KLHL1: variants seen among roughly 807,000 people sequenced by gnomAD.
KLHL1 encodes kelch like family member 1.
Under a neutral mutation model 77.7 loss-of-function variants are expected in KLHL1, and 47 were observed. That is an observed-to-expected ratio of 0.60 (90% CI 0.48 to 0.77). The LOEUF (loss-of-function observed/expected upper bound fraction) is 0.77, where lower values mean the gene tolerates loss of function less well. Among genes scored for constraint, KLHL1 ranks in the 30% least tolerant of loss-of-function variants. KLHL1 has a pLI of 0.00. For missense variants in KLHL1, 925 were observed against 910.8 expected, an observed-to-expected ratio of 1.02 and a Z score of -0.20; for synonymous variants, 360 against 325.2, an observed-to-expected ratio of 1.11 and a Z score of -1.15.
chr13:69,790,279 G>A (rs1876809477), intron 7 of KLHL1, among the ~76,000 whole-genome samples: 1 of 152,106 alleles, frequency 6.6e-6, no homozygotes, highest in Non-Finnish European at 1.5e-5. Flanking sequence ...AATAAGGCTG[G>A]GAACAATATA....
At chr13:69,727,472 A>G (rs1433793473) in intron 8 of KLHL1, among the ~76,000 whole-genome samples, 1 of 152,136 alleles carries the variant, frequency 6.6e-6, no homozygotes, top group African/African-American at 2.4e-5. Context: ...GAAAAGGCAA[A>G]GGGGTGTGGA....
At chr13:70,000,274 CA>C in intron 1 of KLHL1, among the ~76,000 whole-genome samples, 1 of 151,622 alleles carries the variant, frequency 6.6e-6, no homozygotes, top group Non-Finnish European at 1.5e-5. Context: ...TTAATAAAGA[CA>C]AAAAAGAATA....
chr13:69,729,245 C>T (rs1297080398), intron 8 of KLHL1, among the ~76,000 whole-genome samples: 1 of 152,128 alleles, frequency 6.6e-6, no homozygotes, highest in Non-Finnish European at 1.5e-5. Flanking sequence ...TTAGCTTAAT[C>T]TGTCTTACTA....
At chr13:69,724,113 T>G (rs2113358) in intron 8 of KLHL1, among the ~76,000 whole-genome samples, 134,381 of 152,086 alleles carry the variant, frequency 0.88, 59,619 homozygotes, top group East Asian at 0.99. Flanking sequence ...GGGATTACAG[T>G]CGTGAGATAC....
intron 7 of KLHL1, among the ~76,000 whole-genome samples, chr13:69,793,420 C>T (rs1379219862): frequency 8.6e-5 from 13 of 151,482 alleles, no homozygotes; most frequent in African/African-American, 2.4e-4. Context: ...GATCATTTTT[C>T]GATAGCTGTG....
At chr13:69,745,818 A>T (rs1000775942) in intron 7 of KLHL1, among the ~76,000 whole-genome samples, 1 of 151,846 alleles carries the variant, frequency 6.6e-6, no homozygotes, top group Non-Finnish European at 1.5e-5. Context: ...TTGGTATTTC[A>T]TATGAATTTT....
chr13:70,002,000 A>G (rs893199646), intron 1 of KLHL1, among the ~76,000 whole-genome samples: 1 of 151,612 alleles, frequency 6.6e-6, no homozygotes, highest in African/African-American at 2.4e-5. Context: ...AGTAAGAGCT[A>G]ATCTACATCC....
At chr13:69,723,266 A>C (rs1295166347) in intron 8 of KLHL1, among the ~76,000 whole-genome samples, 3 of 152,096 alleles carry the variant, frequency 2.0e-5, no homozygotes, top group Admixed American at 1.3e-4. Flanking sequence ...TGCACATTAG[A>C]GTGACTACGA....
chr13:69,949,050 C>T (rs1011095978), intron 3 of KLHL1, among the ~76,000 whole-genome samples: 6 of 151,820 alleles, frequency 4.0e-5, no homozygotes, highest in African/African-American at 1.4e-4. Flanking sequence ...CAGAAAATTG[C>T]AAAGCTAGTA....
intron 1 of KLHL1, among the ~76,000 whole-genome samples, 177 bp downstream of exon 1, chr13:70,107,026 G>T (rs1888077559): frequency 6.6e-6 from 1 of 152,164 alleles, no homozygotes; most frequent in Non-Finnish European, 1.5e-5. Flanking sequence ...TGAACCAATA[G>T]AAATTAATGA....
chr13:70,090,674 C>T (rs1887651488), intron 1 of KLHL1, among the ~76,000 whole-genome samples: 1 of 151,940 alleles, frequency 6.6e-6, no homozygotes, highest in Admixed American at 6.6e-5. Flanking sequence ...TTTCTATTTT[C>T]TCCCAAGTCA....
intron 4 of KLHL1, among the ~76,000 whole-genome samples, chr13:69,910,014 T>A (rs902724623): frequency 1.3e-5 from 2 of 151,992 alleles, no homozygotes; most frequent in Non-Finnish European, 2.9e-5. Flanking sequence ...TAGAAAAAAA[T>A]AATTGTCATA....
chr13:69,999,810 T>C (rs1179349390), intron 1 of KLHL1, among the ~76,000 whole-genome samples: 3 of 152,084 alleles, frequency 2.0e-5, no homozygotes, highest in African/African-American at 4.8e-5. Flanking sequence ...GAATGGATGG[T>C]TGTCTAAAAA....
chr13:69,973,187 A>G (rs1184572705), intron 2 of KLHL1, among the ~76,000 whole-genome samples: 1 of 151,956 alleles, frequency 6.6e-6, no homozygotes, highest in South Asian at 2.1e-4. Context: ...CTACATAAAC[A>G]TGGCCTTTCA....
At chr13:70,055,784 C>T (rs945523326) in intron 1 of KLHL1, among the ~76,000 whole-genome samples, 2 of 151,704 alleles carry the variant, frequency 1.3e-5, no homozygotes, top group Admixed American at 1.3e-4. Context: ...TTGCAAGTCA[C>T]ATTGTAACCT....
Position 69,975,693 on chromosome 13 carries a change from C to T in KLHL1, c.607G>A (p.Glu203Lys), listed in dbSNP as rs1295390245. The T allele has an allele frequency of 6.2e-7, 1 of 1,613,636 alleles. No homozygotes were observed. Among genetic ancestry groups the T allele is most frequent in the Non-Finnish European group, 8.5e-7 (1 of 1,179,804 alleles). ...AGTTGCTGCTGCTTCAAATAACTTT[C>T]CATCTTTCTGAAGGTTTGCTCAGCA... is the stretch of plus-strand genomic sequence containing the variant. ...HHAEQTFRKMESYLKQQQLCD... is the reference protein window; with the variant it reads ...HHAEQTFRKMKSYLKQQQLCD... Residue 203 changes from glutamate to lysine, a missense_variant, in exon 2 of 11, where the codon GAA becomes AAA. Transcript: ENST00000377844.
At chr13:69,794,784 T>C (rs1419988229) in intron 7 of KLHL1, among the ~76,000 whole-genome samples, 1 of 152,050 alleles carries the variant, frequency 6.6e-6, no homozygotes, top group Non-Finnish European at 1.5e-5. Context: ...AAGATATCAA[T>C]ACATGAAATA....
At chr13:69,835,245 G>C (rs1454386246) in intron 6 of KLHL1, among the ~76,000 whole-genome samples, 2 of 152,130 alleles carry the variant, frequency 1.3e-5, no homozygotes, top group Non-Finnish European at 2.9e-5. Context: ...GAGAATAGAA[G>C]ACTCAGGCTG....
chr13:70,004,067 C>T (rs1885354244), intron 1 of KLHL1, among the ~76,000 whole-genome samples: 1 of 151,776 alleles, frequency 6.6e-6, no homozygotes, highest in Admixed American at 6.6e-5. Context: ...CTGGTTATAA[C>T]TTTTATCTGA....
Sources: allele counts gnomAD v4.1 joint callset (sites outside exome capture counted in the v4.1 genomes callset), GRCh38; gene constraint gnomAD v4.1.1; transcripts MANE v1.5; gene names NCBI Gene and HGNC (gene_info 2026-07-23, HGNC 2026-07-21).